SHB: variants seen among roughly 807,000 people sequenced by gnomAD.
SHB encodes the protein SH2 domain containing adaptor protein B, also known as SH2 domain-containing adapter protein B.
In SHB, 20 loss-of-function variants were observed where a neutral mutation model predicts 52.3. The ratio of observed to expected loss-of-function variants is 0.38; its 90% CI spans 0.27 to 0.56. SHB has a LOEUF of 0.56. Among genes scored for constraint, SHB ranks in the 20% least tolerant of loss-of-function variants. SHB has a pLI of 0.71. For missense variants in SHB, 825 were observed against 723.3 expected (o/e 1.14, Z -1.61); for synonymous variants, 397 against 316.5 (o/e 1.25, Z -2.70).
In SHB at chr9:38,068,375, C is replaced by G. The variant is rs1065372; in HGVS notation, c.271G>C (p.Asp91His). 1 of 1,571,304 alleles carries G rather than the reference C, an allele frequency of 6.4e-7. No homozygotes were observed. Among genetic ancestry groups the G allele is most frequent in the Admixed American group, 1.8e-5 (1 of 55,880 alleles). The change falls in exon 1 of 6, where the codon GAC becomes CAC. Residue 91 changes from aspartate (D) to histidine (H), a missense_variant. Transcript: ENST00000377707. The part of the protein sequence containing the change: ...IRAYRAQKER[D>H]FEDPYNGPGS... ...GGCCCGTTGTAGGGGTCCTCGAAGT[C>G]TCGCTCCTTCTGCGCGCGGTAGGCG...
At chr9:37,940,471 C>T (rs547615627) in intron 5 of SHB, among the ~76,000 whole-genome samples, 12 of 152,152 alleles carry the variant, frequency 7.9e-5, no homozygotes, top group Non-Finnish European at 1.3e-4. Context: ...TTCTTTTAAA[C>T]CTTTTAGAAG....
intron 5 of SHB, among the ~76,000 whole-genome samples, chr9:37,936,194 C>T (rs1012197578): frequency 2.6e-5 from 4 of 151,996 alleles, no homozygotes; most frequent in Admixed American, 6.6e-5. Flanking sequence ...CCAGCCTGGG[C>T]GACAGAGCGG....
chr9:38,032,640 G>A (rs932638604), intron 1 of SHB, among the ~76,000 whole-genome samples: 3 of 152,156 alleles, frequency 2.0e-5, no homozygotes, highest in East Asian at 3.9e-4. Flanking sequence ...CAGTGCTTCC[G>A]CCTGCAGCCT....
chr9:37,974,550 G>T, intron 3 of SHB, 72 bp downstream of exon 3: 1 of 1,304,322 alleles, frequency 7.7e-7, no homozygotes, highest in Non-Finnish European at 1.1e-6. Flanking sequence ...TGTCCTGAGC[G>T]CAGGTGGGGA....
intron 1 of SHB, among the ~76,000 whole-genome samples, chr9:38,032,601 C>T (rs1564106493): frequency 6.6e-6 from 1 of 152,242 alleles, no homozygotes; most frequent in Non-Finnish European, 1.5e-5. Context: ...CACCTGCAAC[C>T]TGCCCTGCCC....
chr9:38,040,684 G>T (rs996907103), intron 1 of SHB, among the ~76,000 whole-genome samples: 2 of 152,102 alleles, frequency 1.3e-5, no homozygotes, highest in Admixed American at 6.5e-5. Flanking sequence ...ACGGTGGGGG[G>T]GCTGCAAGTG....
intron 3 of SHB, among the ~76,000 whole-genome samples, chr9:37,957,833 C>A (rs951239393): frequency 1.3e-5 from 2 of 152,278 alleles, no homozygotes; most frequent in East Asian, 3.9e-4. Flanking sequence ...AAGGTGACAT[C>A]TGAATAAATA....
At chr9:37,941,156 G>A (rs1354708920) in intron 5 of SHB, among the ~76,000 whole-genome samples, 1 of 152,214 alleles carries the variant, frequency 6.6e-6, no homozygotes, top group African/African-American at 2.4e-5. Context: ...GACAGTGGAT[G>A]TGGGCACAGA....
intron 1 of SHB, among the ~76,000 whole-genome samples, chr9:38,026,798 G>A (rs1821348571): frequency 6.6e-6 from 1 of 152,232 alleles, no homozygotes; most frequent in Non-Finnish European, 1.5e-5. Flanking sequence ...GGTGGCTAGG[G>A]CTTTGCGATG....
chr9:37,932,545 G>A (rs1024816145), intron 5 of SHB, among the ~76,000 whole-genome samples: 1 of 127,594 alleles, frequency 7.8e-6, no homozygotes, highest in Non-Finnish European at 1.6e-5. Flanking sequence ...ATGAGTAGAT[G>A]TTAGCTGCTC....
intron 1 of SHB, among the ~76,000 whole-genome samples, chr9:38,016,824 G>A (rs1442448518): frequency 6.6e-6 from 1 of 152,200 alleles, no homozygotes; most frequent in African/African-American, 2.4e-5. Flanking sequence ...TGTGAGCAGA[G>A]GCTTGGCCAG....
At chr9:37,986,731 C>T (rs969317920) in intron 2 of SHB, among the ~76,000 whole-genome samples, 2 of 152,208 alleles carry the variant, frequency 1.3e-5, no homozygotes, top group Non-Finnish European at 2.9e-5. Context: ...AGGGGCTGGG[C>T]TAGCACGGGT....
intron 1 of SHB, among the ~76,000 whole-genome samples, chr9:38,066,115 C>T (rs1230529163): frequency 6.6e-6 from 1 of 152,146 alleles, no homozygotes. Context: ...CAGAGAAGAC[C>T]CGTAAGAAAT....
intron 1 of SHB, among the ~76,000 whole-genome samples, chr9:38,050,126 A>G (rs1314089691): frequency 6.6e-6 from 1 of 152,232 alleles, no homozygotes; most frequent in Non-Finnish European, 1.5e-5. Flanking sequence ...GATCTGAAAC[A>G]CAGCTTGCTA....
intron 1 of SHB, among the ~76,000 whole-genome samples, chr9:38,022,692 G>C (rs1019962663): frequency 6.6e-6 from 1 of 152,238 alleles, no homozygotes; most frequent in Non-Finnish European, 1.5e-5. Flanking sequence ...TGCCAACAAA[G>C]ATGACATTAC....
chr9:38,031,026 T>G (rs1821405765), intron 1 of SHB, among the ~76,000 whole-genome samples: 1 of 151,998 alleles, frequency 6.6e-6, no homozygotes, highest in Non-Finnish European at 1.5e-5. Flanking sequence ...TCACCCACAT[T>G]TTATGAAGGA....
At chr9:38,054,588 A>G (rs894061030) in intron 1 of SHB, among the ~76,000 whole-genome samples, 3 of 152,220 alleles carry the variant, frequency 2.0e-5, no homozygotes, top group African/African-American at 7.2e-5. Flanking sequence ...CCTTGCCCTT[A>G]GCAGCTGGGG....
At chr9:38,021,009 ATC>A (rs920402835) in intron 1 of SHB, among the ~76,000 whole-genome samples, 36 of 152,198 alleles carry the variant, frequency 2.4e-4, no homozygotes, top group African/African-American at 8.2e-4. Flanking sequence ...TGCAAAGGGA[ATC>A]TCTGCTGAAA....
intron 1 of SHB, among the ~76,000 whole-genome samples, chr9:38,033,983 A>G (rs1180554583): frequency 6.6e-6 from 1 of 152,222 alleles, no homozygotes; most frequent in African/African-American, 2.4e-5. Flanking sequence ...GGGTTCTGCC[A>G]TTGATGAATG....
Sources: gnomAD v4.1 joint callset for allele counts (sites outside exome capture counted in the v4.1 genomes callset) on GRCh38, gnomAD v4.1.1 for gene constraint, MANE v1.5 for transcripts, NCBI Gene and HGNC (gene_info 2026-07-23, HGNC 2026-07-21) for gene names.